The following PDS5A variants were observed in gnomAD, a reference collection of about 807,000 sequenced individuals.
The protein encoded by PDS5A is sister chromatid cohesion protein PDS5 homolog A.
In PDS5A, 42 loss-of-function variants were observed where a neutral mutation model predicts 167.1. The observed-to-expected ratio is 0.25, with a 90% CI of 0.20 to 0.33. The LOEUF (loss-of-function observed/expected upper bound fraction) is 0.33, where lower values mean the gene tolerates loss of function less well. PDS5A is among the 10% of genes least tolerant of loss of function. The probability of loss-of-function intolerance (pLI) is 1.00; values close to 1 mark genes in which losing one functional copy is unlikely to be tolerated. For synonymous variants in PDS5A, 553 were observed against 554.6 expected (o/e 1.00, Z 0.04); for missense variants, 1,033 against 1,605.9 (o/e 0.64, Z 6.10).
intron 31 of PDS5A, among the ~76,000 whole-genome samples, chr4:39,838,580 G>A (rs772860710): frequency 1.1e-4 from 17 of 152,098 alleles, no homozygotes; most frequent in African/African-American, 4.1e-4. Flanking sequence ...AAAATTAGCC[G>A]GGCATGGTGG....
At chr4:39,922,401 G>A (rs919840509) in intron 6 of PDS5A, among the ~76,000 whole-genome samples, 16 of 152,070 alleles carry the variant, frequency 1.1e-4, no homozygotes, top group Middle Eastern at 3.2e-3. Context: ...TCAGTTTCCA[G>A]AAAACAGCAC....
chr4:39,914,327 A>G (rs1724163637), intron 8 of PDS5A, among the ~76,000 whole-genome samples: 1 of 151,806 alleles, frequency 6.6e-6, no homozygotes, highest in South Asian at 2.1e-4. Context: ...GCACCAGGCT[A>G]ATTTTCACAT....
At chr4:39,927,184 A>G (rs1725552654) in intron 3 of PDS5A, among the ~76,000 whole-genome samples, 1 of 152,212 alleles carries the variant, frequency 6.6e-6, no homozygotes, top group South Asian at 2.1e-4. Context: ...GCATCGGGGC[A>G]AAAACTATCT....
rs534711412 is a variant in PDS5A at position 39,904,928 on chromosome 4, C to A, written c.1234-737G>T. On this transcript the variant is annotated intron_variant, in intron 11 of 32. Coordinates refer to ENST00000303538, the MANE Select transcript of PDS5A (RefSeq NM_001100399.2). ...ATTATAATTCCCCTTGCAAACAAAA[C>A]CCCTATTATCTGGAATGTTTTAATT... Among the ~76,000 whole-genome samples, 4 of 152,298 alleles carry A rather than the reference C, an allele frequency of 2.6e-5. 1 individual carries two copies. Among genetic ancestry groups the A allele is most frequent in the Admixed American group, 2.6e-4 (4 of 15,300 alleles).
intron 2 of PDS5A, among the ~76,000 whole-genome samples, chr4:39,944,710 A>AAC (rs1491426784): frequency 1.3e-5 from 2 of 151,810 alleles, no homozygotes; most frequent in East Asian, 1.9e-4. Context: ...AAAAAAAAAA[A>AAC]ACAAAAAGCT....
At chr4:39,922,134 GA>G (rs1560485975) in intron 6 of PDS5A, among the ~76,000 whole-genome samples, 1 of 152,082 alleles carries the variant, frequency 6.6e-6, no homozygotes, top group African/African-American at 2.4e-5. Context: ...ATAGAAAAAG[GA>G]AACAGGGAAG....
chr4:39,853,751 T>TCCTC (rs1211576576), intron 26 of PDS5A, among the ~76,000 whole-genome samples: 1 of 152,176 alleles, frequency 6.6e-6, no homozygotes, highest in Non-Finnish European at 1.5e-5. Context: ...ATTGCCTTCT[T>TCCTC]CCTCCCCAAT....
chr4:39,898,749 T>C, intron 15 of PDS5A, 28 bp downstream of exon 15: 1 of 1,428,490 alleles, frequency 7.0e-7, no homozygotes, highest in Admixed American at 1.9e-5. Flanking sequence ...GTTTACTACA[T>C]GTTTAGTGAG....
At chr4:39,939,677 A>T (rs2109763279) in intron 2 of PDS5A, among the ~76,000 whole-genome samples, 1 of 151,916 alleles carries the variant, frequency 6.6e-6, no homozygotes, top group South Asian at 2.1e-4. Flanking sequence ...GCCTGTAGAA[A>T]TCCCAGGTAC....
intron 17 of PDS5A, among the ~76,000 whole-genome samples, chr4:39,886,013 GAT>G (rs1387764875): frequency 8.5e-5 from 13 of 152,170 alleles, no homozygotes; most frequent in Non-Finnish European, 1.9e-4. Context: ...AGAGATGAGA[GAT>G]AGCGGTCTAG....
At chr4:39,973,187 G>A (rs1271177882) in intron 2 of PDS5A, 1 of 1,143,376 alleles carries the variant, frequency 8.7e-7, no homozygotes, top group Non-Finnish European at 1.3e-6. Flanking sequence ...TCTTTAGCTT[G>A]GTGGGCTTGT....
At chr4:39,963,913 T>G (rs959117993) in intron 2 of PDS5A, among the ~76,000 whole-genome samples, 1 of 151,632 alleles carries the variant, frequency 6.6e-6, no homozygotes, top group African/African-American at 2.4e-5. Flanking sequence ...GAAATTAGCT[T>G]TTTTTTCCCC....
chr4:39,847,621 T>C (rs537031909), intron 28 of PDS5A: 1 of 151,946 alleles, frequency 6.6e-6, no homozygotes, highest in African/African-American at 2.4e-5. Context: ...TTTATACAGA[T>C]CAGTGGATTC....
At chr4:39,969,512 CAA>C (rs1730302636) in intron 2 of PDS5A, among the ~76,000 whole-genome samples, 1 of 152,040 alleles carries the variant, frequency 6.6e-6, no homozygotes, top group African/African-American at 2.4e-5. Context: ...ACTAAAAATA[CAA>C]AGTTAGCCAG....
intron 16 of PDS5A, among the ~76,000 whole-genome samples, chr4:39,892,515 A>C (rs1400192869): frequency 2.0e-5 from 3 of 152,248 alleles, no homozygotes; most frequent in African/African-American, 7.2e-5. Context: ...ATTCTAGAAG[A>C]AGCCATTCCT....
chr4:39,964,455 T>C (rs963227816), intron 2 of PDS5A, among the ~76,000 whole-genome samples: 13 of 152,180 alleles, frequency 8.5e-5, no homozygotes, highest in South Asian at 6.2e-4. Context: ...TATAATCCCA[T>C]CACTTTCGGA....
intron 28 of PDS5A, chr4:39,847,578 T>G (rs1359929076): frequency 6.6e-6 from 1 of 151,942 alleles, no homozygotes; most frequent in East Asian, 1.9e-4. Flanking sequence ...CACTCCAGCG[T>G]GGGTGACGGA....
intron 2 of PDS5A, among the ~76,000 whole-genome samples, chr4:39,942,984 A>G (rs1727361889): frequency 6.6e-6 from 1 of 152,054 alleles, no homozygotes; most frequent in Non-Finnish European, 1.5e-5. Context: ...TGCCCTACAC[A>G]CTAAGACATA....
chr4:39,972,235 C>T (rs2664206), intron 2 of PDS5A, among the ~76,000 whole-genome samples: 1 of 151,934 alleles, frequency 6.6e-6, no homozygotes, highest in African/African-American at 2.4e-5. Flanking sequence ...TATTGAGACA[C>T]GGTTGGCTGG....
Sources: allele counts gnomAD v4.1 joint callset (sites outside exome capture counted in the v4.1 genomes callset), GRCh38; gene constraint gnomAD v4.1.1; transcripts MANE v1.5; gene names NCBI Gene and HGNC (gene_info 2026-07-23, HGNC 2026-07-21).